The following RASEF variants were observed in gnomAD, a reference collection of about 807,000 sequenced individuals.
RASEF encodes the protein RAS and EF-hand domain containing.
RASEF carries 68 observed loss-of-function variants against 90.1 expected under a neutral mutation model. The ratio of observed to expected loss-of-function variants is 0.75; its 90% CI spans 0.62 to 0.92. The LOEUF (loss-of-function observed/expected upper bound fraction) is 0.92, where lower values mean the gene tolerates loss of function less well. Ranked by LOEUF, RASEF falls within the 40% of genes least tolerant of loss-of-function variation. RASEF has a pLI of 0.00. For missense variants in RASEF, 949 were observed against 937.2 expected, an observed-to-expected ratio of 1.01 and a Z score of -0.16; for synonymous variants, 331 against 345.2, an observed-to-expected ratio of 0.96 and a Z score of 0.46.
chr9:82,982,586 G>A lies in RASEF; in HGVS notation c.*91C>T. ...TGTAACTCTCCATAGGACAGTGTCA[G>A]TAGGATGTGCCACTCTGTTAAGAGC... On this transcript the variant is annotated 3_prime_UTR_variant, in exon 17 of 17. Coordinates refer to ENST00000376447, the MANE Select transcript of RASEF (RefSeq NM_152573.4). The A allele has an allele frequency of 1.3e-6, 1 of 771,156 alleles. No homozygotes were observed. The highest frequency in any genetic ancestry group is 2.4e-6 in the Non-Finnish European group (1 of 424,798). The allele number at this position is 771,156 out of a possible 1,614,324, so 47.8% of individuals were successfully genotyped here.
At chr9:83,138,400 G>A in the RASEF span, among the ~76,000 whole-genome samples, 9 of 152,274 alleles carry the variant, frequency 5.9e-5, no homozygotes, top group African/African-American at 2.2e-4. Flanking sequence ...ATGCTGTCAA[G>A]CAGACAAGAG....
chr9:83,105,886 A>G, the RASEF span, among the ~76,000 whole-genome samples: 1 of 152,192 alleles, frequency 6.6e-6, no homozygotes. Flanking sequence ...AGCCTAGAAG[A>G]ACACCACCCA....
chr9:83,000,291 T>C lies in RASEF; in HGVS notation c.1601A>G (p.Lys534Arg), dbSNP rs748326357. Residue 534 changes from lysine to arginine, a missense_variant, in exon 12 of 17, where the codon AAA becomes AGA. By Grantham distance (26) the Lys-to-Arg change is conservative (BLOSUM62 2). Coordinates refer to ENST00000376447, the MANE Select transcript of RASEF (RefSeq NM_152573.4). ...PQTDLVDDNA[K>R]SFSSQKAYKI... is the part of the protein sequence containing the mutation. ...GTAAGCCTTCTGTGAGCTAAAAGATTTAGCGTTGTCATCTACCAGGTCTGT... is the reference window on the plus strand; with the variant it reads ...GTAAGCCTTCTGTGAGCTAAAAGATCTAGCGTTGTCATCTACCAGGTCTGT... The C allele has an allele frequency of 5.6e-6, 9 of 1,614,002 alleles. No homozygotes were observed. The highest frequency in any genetic ancestry group is 7.6e-6 in the Non-Finnish European group (9 of 1,179,980).
At chr9:83,118,359 C>T in the RASEF span, among the ~76,000 whole-genome samples, 7 of 152,098 alleles carry the variant, frequency 4.6e-5, no homozygotes, top group South Asian at 2.1e-4. Flanking sequence ...ATTCAAATAG[C>T]CTCAAAAATA....
the RASEF span, among the ~76,000 whole-genome samples, chr9:83,071,559 CCA>C: frequency 6.6e-6 from 1 of 152,088 alleles, no homozygotes; most frequent in Non-Finnish European, 1.5e-5. Context: ...GCGCACACCA[CCA>C]CACCTAGCTA....
intron 1 of RASEF, among the ~76,000 whole-genome samples, chr9:83,059,833 C>T (rs1358906415): frequency 1.3e-5 from 2 of 152,154 alleles, no homozygotes; most frequent in African/African-American, 4.8e-5. Context: ...ACTCCTTGGA[C>T]ACTCCTTCCT....
At chr9:83,113,109 G>A in the RASEF span, among the ~76,000 whole-genome samples, 4 of 152,148 alleles carry the variant, frequency 2.6e-5, no homozygotes, top group Non-Finnish European at 4.4e-5. Flanking sequence ...GACCCTGAAC[G>A]GAGGGACCGA....
chr9:83,198,512 C>T, the RASEF span, among the ~76,000 whole-genome samples: 1 of 152,114 alleles, frequency 6.6e-6, no homozygotes, highest in Non-Finnish European at 1.5e-5. Context: ...GGGAGCGGCC[C>T]CATTTTGTTA....
intron 1 of RASEF, among the ~76,000 whole-genome samples, chr9:83,060,479 A>G (rs1302574504): frequency 6.6e-6 from 1 of 152,124 alleles, no homozygotes; most frequent in Non-Finnish European, 1.5e-5. Flanking sequence ...ACTACATACT[A>G]TCCTTCTCTT....
At chr9:83,058,332 G>C (rs562905516) in intron 1 of RASEF, among the ~76,000 whole-genome samples, 1 of 150,526 alleles carries the variant, frequency 6.6e-6, no homozygotes, top group Admixed American at 6.6e-5. Flanking sequence ...ACAGGTGCCC[G>C]CTACCACGCC....
chr9:83,189,047 T>A, the RASEF span, among the ~76,000 whole-genome samples: 1 of 152,152 alleles, frequency 6.6e-6, no homozygotes, highest in Non-Finnish European at 1.5e-5. Flanking sequence ...GGTCAAAGCA[T>A]CTTTGTCACC....
the RASEF span, among the ~76,000 whole-genome samples, chr9:83,130,606 GC>G: frequency 2.6e-5 from 4 of 152,170 alleles, no homozygotes; most frequent in Non-Finnish European, 5.9e-5. Context: ...CAACACACTA[GC>G]TTTTATTCAT....
At chr9:83,077,418 C>T in the RASEF span, among the ~76,000 whole-genome samples, 1 of 152,152 alleles carries the variant, frequency 6.6e-6, no homozygotes, top group East Asian at 1.9e-4. Flanking sequence ...ATTAAATATA[C>T]TTTTTACGAA....
At chr9:83,084,167 T>A in the RASEF span, among the ~76,000 whole-genome samples, 2 of 152,218 alleles carry the variant, frequency 1.3e-5, no homozygotes, top group African/African-American at 2.4e-5. Context: ...ACTGTAATAG[T>A]GCCATATCTT....
At chr9:83,200,113 G>T in the RASEF span, among the ~76,000 whole-genome samples, 1 of 152,174 alleles carries the variant, frequency 6.6e-6, no homozygotes, top group Admixed American at 6.5e-5. Context: ...GGGCGCGGTG[G>T]CTCACGTCTG....
chr9:82,983,058 G>A (rs1281725436), intron 16 of RASEF, among the ~76,000 whole-genome samples: 1 of 150,886 alleles, frequency 6.6e-6, no homozygotes, highest in Admixed American at 6.6e-5. Context: ...ACAGAAGTGG[G>A]ATTAAAACCA....
chr9:83,148,352 TA>T, the RASEF span, among the ~76,000 whole-genome samples: 1 of 152,068 alleles, frequency 6.6e-6, no homozygotes, highest in African/African-American at 2.4e-5. Context: ...AATGTTAGAG[TA>T]GGGTGAGCCC....
intron 3 of RASEF, among the ~76,000 whole-genome samples, chr9:83,017,371 G>T (rs1362653352): frequency 6.6e-6 from 1 of 151,546 alleles, no homozygotes. Flanking sequence ...GTGGTGGCAG[G>T]CGCCTGTTGT....
At chr9:83,133,532 T>C in the RASEF span, among the ~76,000 whole-genome samples, 1 of 152,256 alleles carries the variant, frequency 6.6e-6, no homozygotes, top group East Asian at 1.9e-4. Flanking sequence ...TGATCTAACC[T>C]ATGACTCAGT....
Sources: gnomAD v4.1 joint callset for allele counts (sites outside exome capture counted in the v4.1 genomes callset) on GRCh38, gnomAD v4.1.1 for gene constraint, MANE v1.5 for transcripts, NCBI Gene and HGNC (gene_info 2026-07-23, HGNC 2026-07-21) for gene names.